The following DST variants were observed in gnomAD, a reference collection of about 807,000 sequenced individuals.
DST encodes bullous pemphigoid antigen.
Under a neutral mutation model 875.2 loss-of-function variants are expected in DST, and 253 were observed. That is an observed-to-expected ratio of 0.29 (90% CI 0.26 to 0.32). DST has a LOEUF of 0.32. DST is among the 10% of genes least tolerant of loss of function. The pLI is 1.00. For synonymous variants in DST, 3,124 were observed against 3,197.1 expected (o/e 0.98, Z 0.77); for missense variants, 8,287 against 9,111.6 (o/e 0.91, Z 3.68).
At chr6:56,934,220 T>A (rs1811678192) in intron 2 of DST, among the ~76,000 whole-genome samples, 1 of 151,858 alleles carries the variant, frequency 6.6e-6, no homozygotes, top group Admixed American at 6.6e-5. Flanking sequence ...GGGACACTTT[T>A]TAAGATGGGA....
rs375485816 is a variant in DST at position 56,785,314 on chromosome 6, G to T, written c.626-50025C>A. Among the ~76,000 whole-genome samples, 2,586 of 152,352 alleles carry T rather than the reference G, an allele frequency of 0.017. 129 individuals are homozygous for T. In the East Asian group the frequency reaches 0.2, roughly 12 times the overall value. Reference sequence around the variant, plus strand: ...TTTTGTCTGTGCCCTGCCCCCAGAGGTGGAGCCTACAGAGGCAGGCAGGCC... The same window carrying T: ...TTTTGTCTGTGCCCTGCCCCCAGAGTTGGAGCCTACAGAGGCAGGCAGGCC... On this transcript the variant is annotated intron_variant, in intron 4 of 103. Coordinates refer to ENST00000680361, the MANE Select transcript of DST (RefSeq NM_001374736.1).
chr6:56,485,200 G>A (rs1176394293), intron 88 of DST, 112 bp downstream of exon 88: 1 of 1,183,304 alleles, frequency 8.5e-7, no homozygotes, highest in Non-Finnish European at 1.2e-6. Flanking sequence ...AGACTGTTAT[G>A]TAGTATGATC....
intron 3 of DST, chr6:56,871,327 AG>A: frequency 1.1e-6 from 1 of 921,376 alleles, no homozygotes; most frequent in Admixed American, 1.7e-5. Context: ...AAAGCCACGA[AG>A]TATCTGAAAG....
intron 97 of DST, 68 bp downstream of exon 97, chr6:56,469,815 G>A: frequency 1.5e-6 from 2 of 1,350,122 alleles, no homozygotes; most frequent in Non-Finnish European, 2.1e-6. Context: ...AAACAATGGA[G>A]ATCAAATTGT....
intron 9 of DST, among the ~76,000 whole-genome samples, chr6:56,677,426 C>T (rs531646392): frequency 1.1e-4 from 16 of 152,280 alleles, no homozygotes; most frequent in African/African-American, 3.9e-4. Flanking sequence ...AACTGATCCT[C>T]CCACCTCAGC....
intron 50 of DST, among the ~76,000 whole-genome samples, chr6:56,577,550 T>TA (rs2097892097): frequency 6.6e-6 from 1 of 152,140 alleles, no homozygotes; most frequent in Non-Finnish European, 1.5e-5. Context: ...GGGTACATAA[T>TA]AAAAAACATC....
chr6:56,532,291 G>A (rs2096909198), intron 64 of DST, 53 bp downstream of exon 64: 1 of 1,521,228 alleles, frequency 6.6e-7, no homozygotes, highest in Non-Finnish European at 9.1e-7. Flanking sequence ...TGTCAGTTTT[G>A]TAGACAGAGG....
At chr6:56,678,413 A>G (rs2099140915) in intron 9 of DST, among the ~76,000 whole-genome samples, 1 of 152,180 alleles carries the variant, frequency 6.6e-6, no homozygotes, top group Non-Finnish European at 1.5e-5. Flanking sequence ...GACATGCCCA[A>G]TTTTCTTCCT....
intron 5 of DST, among the ~76,000 whole-genome samples, chr6:56,733,300 T>TA (rs1168660474): frequency 1.3e-5 from 2 of 152,098 alleles, no homozygotes; most frequent in Admixed American, 6.5e-5. Flanking sequence ...TAGCTTTTTC[T>TA]AAAATGAATA....
intron 36 of DST, chr6:56,616,356 C>T: frequency 1.2e-6 from 2 of 1,613,618 alleles, no homozygotes; most frequent in Non-Finnish European, 1.7e-6. Context: ...TATTGCTGCC[C>T]TGAAAGTTCA....
chr6:56,666,896 G>A (rs1428719282), intron 10 of DST, among the ~76,000 whole-genome samples: 1 of 151,542 alleles, frequency 6.6e-6, no homozygotes, highest in Admixed American at 6.6e-5. Flanking sequence ...AGCAGGTAAC[G>A]TTTAGGACCC....
chr6:56,474,722 C>A (rs763509707), intron 92 of DST, among the ~76,000 whole-genome samples: 2 of 152,032 alleles, frequency 1.3e-5, no homozygotes, highest in Non-Finnish European at 2.9e-5. Flanking sequence ...AAGAACTTTT[C>A]TGTGGCACAT....
chr6:56,934,237 A>T (rs945405856), intron 2 of DST, among the ~76,000 whole-genome samples: 64 of 151,972 alleles, frequency 4.2e-4, no homozygotes, highest in African/African-American at 1.5e-3. Context: ...GGGATGCTAA[A>T]ACAACAGACT....
chr6:56,630,326 T>C lies in DST; in HGVS notation c.4200A>G (p.Lys1400=), dbSNP rs35715547. Residue 1400 remains lysine, a synonymous_variant, in exon 31 of 104, where the codon AAA becomes AAG. Transcript: ENST00000680361. ...KNTQAAEALV[K]LYETKLCEEE... ...CTTCACACAGTTTAGTTTCATAGAG[T>C]TTTACGAGGGCTTCTGCAGCTTGAG... 2,542 of 1,612,778 alleles carry C rather than the reference T, an allele frequency of 1.6e-3. 47 individuals carry two copies. In the African/African-American group the frequency reaches 0.032, roughly 20 times the overall value.
chr6:56,598,450 A>G (rs375933058), intron 46 of DST, 26 bp downstream of exon 46: 2 of 1,379,354 alleles, frequency 1.4e-6, no homozygotes, highest in African/African-American at 2.9e-5. Context: ...ACATAGCAAT[A>G]GTGCACCACA....
chr6:56,503,050 A>G (rs951611703), intron 78 of DST, among the ~76,000 whole-genome samples: 4 of 152,156 alleles, frequency 2.6e-5, no homozygotes, highest in African/African-American at 9.6e-5. Context: ...CAGCAATGGA[A>G]AACAACAAAC....
intron 4 of DST, among the ~76,000 whole-genome samples, chr6:56,799,376 A>G (rs1272265612): frequency 2.0e-5 from 3 of 151,068 alleles, no homozygotes; most frequent in African/African-American, 7.3e-5. Flanking sequence ...TTTTTAAATC[A>G]CATACTATAG....
At chr6:56,766,583 T>A (rs1314189344) in intron 4 of DST, among the ~76,000 whole-genome samples, 2 of 151,902 alleles carry the variant, frequency 1.3e-5, no homozygotes, top group Non-Finnish European at 2.9e-5. Context: ...CACGCTGGTA[T>A]GCAGTGGCGT....
intron 3 of DST, among the ~76,000 whole-genome samples, chr6:56,897,759 C>T (rs1792157390): frequency 1.3e-5 from 2 of 152,114 alleles, no homozygotes; most frequent in Non-Finnish European, 2.9e-5. Context: ...CTTTGCCCTC[C>T]AGCTTCTAGG....
Sources: allele counts gnomAD v4.1 joint callset (sites outside exome capture counted in the v4.1 genomes callset), GRCh38; gene constraint gnomAD v4.1.1; transcripts MANE v1.5; gene names NCBI Gene and HGNC (gene_info 2026-07-23, HGNC 2026-07-21).